The following ZNRF3 variants were observed in gnomAD, a reference collection of about 807,000 sequenced individuals.
ZNRF3 encodes E3 ubiquitin-protein ligase ZNRF3.
ZNRF3 carries 23 observed loss-of-function variants against 72.5 expected under a neutral mutation model. That is an observed-to-expected ratio of 0.32 (90% CI 0.23 to 0.45). ZNRF3 has a LOEUF of 0.45. Ranked by LOEUF, ZNRF3 falls within the 20% of genes least tolerant of loss-of-function variation. ZNRF3 has a pLI of 1.00. For missense variants in ZNRF3, 1,169 were observed against 1,272.1 expected (o/e 0.92, Z 1.23); for synonymous variants, 610 against 545.3 (o/e 1.12, Z -1.65).
Position 29,049,475 on chromosome 22 carries a change from C to G in ZNRF3, c.1294C>G (p.Arg432Gly). Residue 432 changes from arginine to glycine, a missense_variant, in exon 8 of 9, where the codon CGC (arginine) becomes GGC (glycine). Physicochemically the swap from Arg to Gly is moderately radical, Grantham distance 125 (BLOSUM62 -2). Around this residue, in one of 2 missense-constraint regions of ZNRF3, gnomAD observed 783 missense variants for 731.4 expected, o/e 1.07. Transcript: ENST00000544604. The surrounding 1 kb of genome is among the most constrained non-coding windows in gnomAD (Gnocchi z 5.2). ...CCTGGACCACAGCCTGGCCGCTCAC[C>G]GCTGCGGCCTGGAGCACCGGGCCTA... The part of the protein sequence containing the change: ...LHLDHSLAAH[R>G]CGLEHRAYSP... The G allele has an allele frequency of 6.2e-7, 1 of 1,605,030 alleles. No homozygotes were observed. The highest frequency in any genetic ancestry group is 8.5e-7 in the Non-Finnish European group (1 of 1,179,748).
At chr22:28,951,359 A>G (rs1195074003) in intron 1 of ZNRF3, among the ~76,000 whole-genome samples, 4 of 152,088 alleles carry the variant, frequency 2.6e-5, no homozygotes, top group South Asian at 4.2e-4. Flanking sequence ...ATCCAATATG[A>G]CTGGTGTCCT....
At chr22:28,913,628 C>T (rs1416573850) in intron 1 of ZNRF3, among the ~76,000 whole-genome samples, 1 of 152,070 alleles carries the variant, frequency 6.6e-6, no homozygotes, top group Non-Finnish European at 1.5e-5. Context: ...TTGTGGTCTT[C>T]TCTATAATTG....
chr22:28,915,575 T>C (rs189851839), intron 1 of ZNRF3, among the ~76,000 whole-genome samples: 33 of 152,326 alleles, frequency 2.2e-4, no homozygotes, highest in African/African-American at 7.2e-4. Context: ...CCCCCAGTTC[T>C]TTCCGTTCTT....
intron 2 of ZNRF3, among the ~76,000 whole-genome samples, chr22:28,997,502 C>T (rs2036063760): frequency 6.6e-6 from 1 of 152,022 alleles, no homozygotes; most frequent in Admixed American, 6.6e-5. Context: ...ACAACAGGTT[C>T]CTGGTAGCCT....
chr22:28,939,175 T>C (rs1334243720), intron 1 of ZNRF3, among the ~76,000 whole-genome samples: 2 of 151,826 alleles, frequency 1.3e-5, no homozygotes, highest in Non-Finnish European at 2.9e-5. Flanking sequence ...TCCCAGCTAC[T>C]TGGGAGGCTG....
At chr22:28,899,015 TATG>T (rs762458176) in intron 1 of ZNRF3, among the ~76,000 whole-genome samples, 12 of 150,160 alleles carry the variant, frequency 8.0e-5, no homozygotes, top group Non-Finnish European at 1.3e-4. Context: ...TTCCAGAATC[TATG>T]ATATGTTGTA....
chr22:28,890,767 T>TC lies in ZNRF3; in HGVS notation c.300+6701_300+6702insC, dbSNP rs553889771. The stretch of plus-strand genomic sequence containing the variant: ...CTTGCTTGCTTTCTCTCTCTCTCTC[T>TC]TTTTTTTTTTGTCAGGGTCTCACCA... On this transcript the variant is annotated intron_variant, in intron 1 of 8. Coordinates refer to ENST00000544604, the MANE Select transcript of ZNRF3 (RefSeq NM_001206998.2). Among the ~76,000 whole-genome samples, 54 of 118,016 alleles carry TC rather than the reference T, an allele frequency of 4.6e-4. No homozygotes were observed. The East Asian group carries it at 5.4e-3, about 12-fold the overall frequency. 77.4% of individuals were successfully genotyped at this position (118,016 alleles called of 152,430 possible).
chr22:29,031,490 C>T (rs1381079110), intron 2 of ZNRF3: 2 of 766,348 alleles, frequency 2.6e-6, no homozygotes, highest in South Asian at 5.9e-5. Flanking sequence ...TTGGGAGCCC[C>T]CTTGCCCAGC....
chr22:28,949,049 G>A (rs1260889812), intron 1 of ZNRF3, among the ~76,000 whole-genome samples: 5 of 151,802 alleles, frequency 3.3e-5, no homozygotes, highest in South Asian at 2.1e-4. Flanking sequence ...GCGTGATCTC[G>A]GCTCACTGCA....
intron 2 of ZNRF3, among the ~76,000 whole-genome samples, chr22:29,008,311 C>T (rs1016856777): frequency 3.3e-5 from 5 of 152,156 alleles, no homozygotes; most frequent in South Asian, 2.1e-4. Context: ...TGGATTCCCC[C>T]GAGGAACGAG....
intron 1 of ZNRF3, among the ~76,000 whole-genome samples, chr22:28,958,899 G>A (rs999176919): frequency 4.6e-5 from 7 of 152,226 alleles, no homozygotes; most frequent in African/African-American, 1.4e-4. Flanking sequence ...AAGATTAAAT[G>A]GTACTCTGGA....
intron 8 of ZNRF3, 87 bp from the exon 9 acceptor site, chr22:29,053,492 C>G (rs1245905615): frequency 4.4e-6 from 6 of 1,348,386 alleles, no homozygotes; most frequent in Non-Finnish European, 5.2e-6. Flanking sequence ...CTGCCACATG[C>G]TGGGGACAGG....
rs758686333 is a variant in ZNRF3, at chr22:29,049,830, A to ACAG, written c.1666_1668dup (p.Ser557dup). 2.1e-4 allele frequency: 338 copies of ACAG among 1,608,148 alleles called. No individual in the cohort carries two copies. Among genetic ancestry groups the ACAG allele is most frequent in the Middle Eastern group, 1.2e-3 (7 of 6,044 alleles). On this transcript the variant is annotated inframe_insertion, in exon 8 of 9. Coordinates refer to ENST00000544604, the MANE Select transcript of ZNRF3 (RefSeq NM_001206998.2). This position sits in a 1 kb window ranked among gnomAD's most constrained non-coding sequence, Gnocchi z 5.2. ...TACCTGGCCGACTGCCCAGGCAGCG[A>ACAG]CAGCAGCAGCAGCAGCAGCTCCGGC...
intron 1 of ZNRF3, among the ~76,000 whole-genome samples, chr22:28,951,083 A>C (rs1341513064): frequency 1.3e-5 from 2 of 152,102 alleles, no homozygotes; most frequent in Non-Finnish European, 2.9e-5. Flanking sequence ...TTATTCCTTT[A>C]TTGTGGTATT....
intron 2 of ZNRF3, chr22:29,031,383 T>G (rs542665166): frequency 6.3e-6 from 1 of 158,158 alleles, no homozygotes; most frequent in East Asian, 1.9e-4. Context: ...GCACCAGGAT[T>G]TTCTCACCGG....
chr22:29,043,550 G>A, intron 4 of ZNRF3, 120 bp downstream of exon 4: 2 of 1,310,404 alleles, frequency 1.5e-6, no homozygotes, highest in Non-Finnish European at 1.0e-6. Flanking sequence ...CCAGGTTCCT[G>A]CAGGCTTAGA....
At chr22:28,920,414 G>A (rs1308959372) in intron 1 of ZNRF3, among the ~76,000 whole-genome samples, 9 of 151,410 alleles carry the variant, frequency 5.9e-5, no homozygotes, top group Admixed American at 5.9e-4. Context: ...GGGATTACAC[G>A]TGCCCACCAC....
At chr22:28,961,785 G>T (rs2035364225) in intron 1 of ZNRF3, among the ~76,000 whole-genome samples, 1 of 152,216 alleles carries the variant, frequency 6.6e-6, no homozygotes, top group Admixed American at 6.5e-5. Context: ...TCTCACCGTT[G>T]CTATTTGAGT....
intron 1 of ZNRF3, among the ~76,000 whole-genome samples, chr22:28,963,693 T>C (rs2035407700): frequency 6.6e-6 from 1 of 152,162 alleles, no homozygotes. Context: ...CCACTATGTA[T>C]CAGGAATTAT....
Sources: gnomAD v4.1 joint callset for allele counts (sites outside exome capture counted in the v4.1 genomes callset) on GRCh38, gnomAD v4.1.1 for gene constraint, gnomAD v4.1.1 regional missense constraint, Gnocchi (gnomAD v3.1) non-coding constraint, MANE v1.5 for transcripts, NCBI Gene and HGNC (gene_info 2026-07-23, HGNC 2026-07-21) for gene names.